Variants in AHCTF1 observed in about 807,000 individuals in gnomAD.
AHCTF1 encodes AT-hook containing transcription factor 1.
In AHCTF1, 24 loss-of-function variants were observed where a neutral mutation model predicts 248.4. The observed-to-expected ratio is 0.10, with a 90% CI of 0.07 to 0.14. The LOEUF (loss-of-function observed/expected upper bound fraction) is 0.14. Ranked by LOEUF, AHCTF1 falls within the 10% of genes least tolerant of loss-of-function variation. The pLI, the probability that AHCTF1 is intolerant of heterozygous loss-of-function variation, is 1.00. For synonymous variants in AHCTF1, 786 were observed against 929.8 expected (o/e 0.85, Z 2.81); for missense variants, 2,206 against 2,636.2 (o/e 0.84, Z 3.57).
chr1:246,922,846 G>A (rs960717455), intron 1 of AHCTF1, among the ~76,000 whole-genome samples: 5 of 151,114 alleles, frequency 3.3e-5, no homozygotes, highest in South Asian at 2.1e-4. Flanking sequence ...AGCCGGGCGT[G>A]GTGGCAGGCG....
intron 21 of AHCTF1, among the ~76,000 whole-genome samples, chr1:246,879,813 G>A (rs1663259441): frequency 6.6e-6 from 1 of 151,392 alleles, no homozygotes. Flanking sequence ...GGGTGACAAA[G>A]TGAGACTCTG....
chr1:246,903,268 T>C (rs989017412), intron 7 of AHCTF1, among the ~76,000 whole-genome samples: 2 of 152,130 alleles, frequency 1.3e-5, no homozygotes, highest in African/African-American at 4.8e-5. Context: ...GCCAGATAAA[T>C]AGGCAGCCAT....
intron 26 of AHCTF1, among the ~76,000 whole-genome samples, chr1:246,866,406 A>G (rs1229440422): frequency 6.6e-6 from 1 of 152,208 alleles, no homozygotes; most frequent in Non-Finnish European, 1.5e-5. Flanking sequence ...TCCATTTAAA[A>G]TACCATCTTA....
At chr1:246,918,124 T>G (rs1374673428) in intron 2 of AHCTF1, 126 bp downstream of exon 2, 1 of 815,460 alleles carries the variant, frequency 1.2e-6, no homozygotes, top group Non-Finnish European at 1.7e-6. Flanking sequence ...CTGTAGATGT[T>G]ACATATTTAA....
chr1:246,900,507 A>G (rs2103170660), intron 8 of AHCTF1, 38 bp from the exon 9 acceptor site: 2 of 1,565,028 alleles, frequency 1.3e-6, no homozygotes, highest in Non-Finnish European at 1.7e-6. Flanking sequence ...CAGAATAAAG[A>G]ATCTCAAAGT....
At chr1:246,843,950 G>T (rs757556837) in intron 33 of AHCTF1, 22 bp from the exon 34 acceptor site, 1 of 1,379,966 alleles carries the variant, frequency 7.2e-7, no homozygotes, top group Non-Finnish European at 9.5e-7. Context: ...TGAAAAAACT[G>T]TATCTGTATC....
chr1:246,865,146 A>C (rs1471462896), intron 26 of AHCTF1: 1 of 152,208 alleles, frequency 6.6e-6, no homozygotes, highest in South Asian at 2.1e-4. Flanking sequence ...GACCATTTGC[A>C]CAGGTCACTC....
intron 4 of AHCTF1, among the ~76,000 whole-genome samples, chr1:246,908,554 A>G (rs1323957698): frequency 1.3e-5 from 2 of 151,958 alleles, no homozygotes; most frequent in African/African-American, 4.8e-5. Flanking sequence ...AGAACATAAA[A>G]ATCATCATTT....
chr1:246,867,989 G>A (rs116830294), intron 24 of AHCTF1, among the ~76,000 whole-genome samples, 178 bp from the exon 25 acceptor site: 1,430 of 141,268 alleles, frequency 0.01, 24 homozygotes, highest in African/African-American at 0.036. Flanking sequence ...TTTTAGACCA[G>A]TCTTGCTGTG....
chr1:246,888,702 G>A (rs566159877), intron 17 of AHCTF1, among the ~76,000 whole-genome samples, 185 bp from the exon 18 acceptor site: 3 of 152,112 alleles, frequency 2.0e-5, no homozygotes, highest in African/African-American at 7.2e-5. Context: ...TCAAGGTCAG[G>A]AGTTCGAGAC....
intron 1 of AHCTF1, among the ~76,000 whole-genome samples, chr1:246,923,834 G>A (rs1485295573): frequency 6.6e-6 from 1 of 152,228 alleles, no homozygotes; most frequent in African/African-American, 2.4e-5. Context: ...CCTTCAGTGT[G>A]TGTGGGGTGA....
In AHCTF1 at chr1:246,853,287, A is replaced by G; in HGVS notation, c.4367T>C (p.Val1456Ala). The change falls in exon 32 of 36, where the codon GTC (valine) becomes GCC (alanine). Residue 1456 changes from valine (V) to alanine (A), a missense_variant. By Grantham distance (64) the Val-to-Ala change is moderately conservative (BLOSUM62 0). This residue lies in a region of AHCTF1 where 955 missense variants were observed against 1,055.6 expected (regional missense o/e 0.90). Transcript: ENST00000648844. The part of the protein sequence containing the change: ...RANDNKSMAD[V>A]LGDGGNSSLT... ...CGAGGAGTTTCCACCATCACCAAGG[A>G]CATCAGCCATAGCTGAAAGAAAAAT... 1 of 1,611,146 alleles carries G rather than the reference A, an allele frequency of 6.2e-7. No individual in the cohort carries two copies. Among genetic ancestry groups the G allele is most frequent in the Non-Finnish European group, 8.5e-7 (1 of 1,178,846 alleles).
chr1:246,844,301 C>T (rs927907233), intron 33 of AHCTF1, among the ~76,000 whole-genome samples: 7 of 152,178 alleles, frequency 4.6e-5, no homozygotes, highest in African/African-American at 1.7e-4. Flanking sequence ...TGTGCCATAA[C>T]TACTGCTATT....
At chr1:246,875,606 G>A (rs573291908) in intron 24 of AHCTF1, among the ~76,000 whole-genome samples, 34 of 152,298 alleles carry the variant, frequency 2.2e-4, no homozygotes, top group African/African-American at 6.3e-4. Flanking sequence ...CTGTGTCATC[G>A]TAAGAAACTG....
At chr1:246,924,628 G>C (rs541958506) in intron 1 of AHCTF1, among the ~76,000 whole-genome samples, 21 of 151,696 alleles carry the variant, frequency 1.4e-4, no homozygotes, top group Non-Finnish European at 2.4e-4. Flanking sequence ...AAATTTATGT[G>C]AAAAAAACAT....
At position 246,849,982 on chromosome 1, in the gene AHCTF1, T is replaced by G. The variant is rs765970221; in HGVS notation, c.6024A>C (p.Arg2008Ser). 1.2e-6 allele frequency: 2 copies of G among 1,613,974 alleles called. No homozygotes were observed. The highest frequency in any genetic ancestry group is 2.2e-5 in the South Asian group (2 of 91,060). The part of the protein sequence containing the change: ...KKKEAPSIRR[R>S]STRNTPAKSE... ...TTTTAGCTGGGGTATTTCTTGTAGA[T>G]CTCCTTCTAATGCTGGGAGCTTCTT... Residue 2008 changes from arginine to serine, a missense_variant, in exon 33 of 36, where the codon AGA becomes AGC. Arg to Ser is a moderately radical substitution (Grantham distance 110). This residue lies in a region of AHCTF1 where 469 missense variants were observed against 470.0 expected (regional missense o/e 1.00). Coordinates refer to ENST00000648844, the MANE Select transcript of AHCTF1 (RefSeq NM_001323342.2).
chr1:246,869,648 G>A (rs1662420919), intron 24 of AHCTF1, among the ~76,000 whole-genome samples: 1 of 151,622 alleles, frequency 6.6e-6, no homozygotes. Flanking sequence ...AAGCCTAGAT[G>A]AAAACACATC....
chr1:246,888,568 T>C lies in AHCTF1; in HGVS notation c.2145-51A>G, dbSNP rs761095728. 3.9e-5 allele frequency: 62 copies of C among 1,587,664 alleles called. No homozygotes were observed. The Admixed American group carries it at 1.1e-3, about 27-fold the overall frequency. ...TATTTAATATCACTGTTAATTAATA[T>C]CAAAGCAACCAGCATCAAAATATTA... On this transcript the variant is annotated intron_variant, in intron 17 of 35. Transcript: ENST00000648844.
chr1:246,842,590 T>A (rs539526357), intron 35 of AHCTF1, 104 bp downstream of exon 35: 11 of 890,966 alleles, frequency 1.2e-5, no homozygotes, highest in Admixed American at 7.4e-5. Flanking sequence ...TCAAAAAAAA[T>A]AAATAAAAAT....
Sources: gnomAD v4.1 joint callset for allele counts (sites outside exome capture counted in the v4.1 genomes callset) on GRCh38, gnomAD v4.1.1 for gene constraint, gnomAD v4.1.1 regional missense constraint, MANE v1.5 for transcripts, NCBI Gene and HGNC (gene_info 2026-07-23, HGNC 2026-07-21) for gene names.